The following PLA2G4C variants were observed in gnomAD, a reference collection of about 807,000 sequenced individuals.
PLA2G4C encodes the protein phospholipase A2 group IVC.
A neutral mutation model predicts 73.8 loss-of-function variants in PLA2G4C; 64 were observed. The observed-to-expected ratio is 0.87, with a 90% confidence interval of 0.71 to 1.07. PLA2G4C has a LOEUF of 1.07. PLA2G4C is among the 50% of genes least tolerant of loss of function. PLA2G4C has a pLI of 0.00. For synonymous variants in PLA2G4C, 254 were observed against 252.1 expected (o/e 1.01, Z -0.07); for missense variants, 622 against 665.4 (o/e 0.93, Z 0.72).
intron 13 of PLA2G4C, chr19:48,062,363 C>CGTG: frequency 2.4e-6 from 1 of 410,996 alleles, no homozygotes; most frequent in Middle Eastern, 6.6e-4. Context: ...GAAATCCCAG[C>CGTG]ACTTTGGGGG....
chr19:48,083,597 A>G (rs7253454), intron 10 of PLA2G4C, among the ~76,000 whole-genome samples: 45,796 of 150,206 alleles, frequency 0.3, 7,074 homozygotes, highest in East Asian at 0.53. Flanking sequence ...ACAGGCATGT[A>G]CCACCACGCC....
intron 6 of PLA2G4C, among the ~76,000 whole-genome samples, chr19:48,095,823 A>G (rs1047379729): frequency 4.0e-5 from 6 of 151,814 alleles, no homozygotes; most frequent in African/African-American, 1.5e-4. Flanking sequence ...TGTTTCCAAT[A>G]TTTTCCAGAG....
At chr19:48,110,073 C>T (rs2032414794) in intron 1 of PLA2G4C, among the ~76,000 whole-genome samples, 1 of 150,290 alleles carries the variant, frequency 6.7e-6, no homozygotes, top group Admixed American at 6.6e-5. Context: ...CCTAGCCGGG[C>T]GCGGTGGCTC....
intron 7 of PLA2G4C, 97 bp downstream of exon 7, chr19:48,095,367 A>C (rs1312692843): frequency 1.7e-6 from 2 of 1,164,728 alleles, no homozygotes; most frequent in Non-Finnish European, 2.5e-6. Context: ...TCCCCCAAGA[A>C]ATTTAAGAGC....
At chr19:48,074,691 G>C in intron 12 of PLA2G4C, 76 bp downstream of exon 12, 1 of 956,520 alleles carries the variant, frequency 1.0e-6, no homozygotes, top group South Asian at 1.3e-5. Context: ...GGCCCACAGG[G>C]GTGGGGAAGA....
At chr19:48,078,173 A>G (rs1243565951) in intron 10 of PLA2G4C, among the ~76,000 whole-genome samples, 3 of 152,202 alleles carry the variant, frequency 2.0e-5, no homozygotes, top group Non-Finnish European at 2.9e-5. Flanking sequence ...ACATCCCTTT[A>G]TGATTAAAGC....
chr19:48,100,919 G>GA (rs57288809), intron 4 of PLA2G4C, among the ~76,000 whole-genome samples: 38,161 of 120,114 alleles, frequency 0.32, 7,910 homozygotes, highest in African/African-American at 0.63. Context: ...ATCTCAAAAA[G>GA]AAAAAAAAAA....
chr19:48,086,987 C>T (rs11564572), intron 9 of PLA2G4C, among the ~76,000 whole-genome samples: 4,665 of 152,228 alleles, frequency 0.031, 159 homozygotes, highest in African/African-American at 0.084. Context: ...GGGACATTAC[C>T]GGATTCCTTG....
intron 14 of PLA2G4C, 81 bp downstream of exon 14, chr19:48,061,917 C>T (rs1044852853): frequency 9.8e-6 from 14 of 1,424,872 alleles, no homozygotes; most frequent in East Asian, 9.5e-5. Context: ...TCCCAGCCCG[C>T]GTCCTCAGTT....
Position 48,055,346 on chromosome 19 carries a change from C to T in PLA2G4C, c.1258-297G>A, listed in dbSNP as rs11564643. 3.0e-3 allele frequency among the ~76,000 whole-genome samples: 455 copies of T among 149,190 alleles called. 9 individuals carry two copies. Among genetic ancestry groups the T allele is most frequent in the African/African-American group, 0.011 (438 of 39,514 alleles). On this transcript the variant is annotated intron_variant, in intron 14 of 16. Transcript: ENST00000599921. ...ATGGTGCCTAGATGAGGCTTTGAAT[C>T]CCAGCTCTGCCACAGAAAGATGTTG...
intron 10 of PLA2G4C, 72 bp downstream of exon 10, chr19:48,084,987 A>T: frequency 1.8e-6 from 2 of 1,089,114 alleles, no homozygotes; most frequent in South Asian, 2.5e-5. Context: ...TGCCACATGC[A>T]GGAAAAGTAC....
At chr19:48,083,256 C>T (rs1310165304) in intron 10 of PLA2G4C, among the ~76,000 whole-genome samples, 1 of 152,074 alleles carries the variant, frequency 6.6e-6, no homozygotes, top group Non-Finnish European at 1.5e-5. Context: ...TACATAGTCC[C>T]AATCTTGTAT....
chr19:48,049,048 C>G (rs907866253), intron 16 of PLA2G4C, among the ~76,000 whole-genome samples: 3 of 152,122 alleles, frequency 2.0e-5, no homozygotes, highest in African/African-American at 7.2e-5. Context: ...CGCCAGCCCC[C>G]CTTCCCCTTC....
At chr19:48,109,148 G>A (rs917542730) in intron 1 of PLA2G4C, among the ~76,000 whole-genome samples, 3 of 152,122 alleles carry the variant, frequency 2.0e-5, no homozygotes, top group African/African-American at 2.4e-5. Context: ...ACATTTCTGC[G>A]AAGGCAGTTT....
rs1456493982 is a variant in PLA2G4C, at chr19:48,074,801, C to CT, written c.971dup (p.Gln325AlafsTer6). 1 of 1,613,618 alleles carries CT rather than the reference C, an allele frequency of 6.2e-7. No individual in the cohort carries two copies. Among genetic ancestry groups the CT allele is most frequent in the Non-Finnish European group, 8.5e-7 (1 of 1,179,750 alleles). On this transcript the variant is annotated frameshift_variant, in exon 12 of 17. Transcript: ENST00000599921. LOFTEE classifies it high-confidence loss of function. ...CGGGGTCCTCATGGGGCTGCTCCTG[C>CT]TTTTCCAGGGAGGTCCTGGTCCAAT...
chr19:48,107,203 C>T (rs769237035), intron 1 of PLA2G4C, among the ~76,000 whole-genome samples: 5 of 149,350 alleles, frequency 3.3e-5, no homozygotes, highest in Admixed American at 6.7e-5. Flanking sequence ...AACAATTGAT[C>T]GGCTATGGAT....
At chr19:48,076,744 A>AAAAAAAAAAAAG (rs990230611) in intron 11 of PLA2G4C, among the ~76,000 whole-genome samples, 2 of 135,342 alleles carry the variant, frequency 1.5e-5, no homozygotes, top group African/African-American at 6.3e-5. Flanking sequence ...CTCTGTCTCC[A>AAAAAAAAAAAAG]AAAAAAAAAA....
At chr19:48,074,559 A>G in intron 12 of PLA2G4C, 1 of 567,342 alleles carries the variant, frequency 1.8e-6, no homozygotes, top group South Asian at 2.0e-5. Flanking sequence ...GGAATTCCAC[A>G]CTGTCTCCTA....
chr19:48,101,531 C>T (rs1480055948), intron 4 of PLA2G4C, among the ~76,000 whole-genome samples: 2 of 151,814 alleles, frequency 1.3e-5, no homozygotes, highest in Non-Finnish European at 2.9e-5. Context: ...CTCTTGAGCC[C>T]CTGAAGTGTG....
Sources: gnomAD v4.1 joint callset for allele counts (sites outside exome capture counted in the v4.1 genomes callset) on GRCh38, gnomAD v4.1.1 for gene constraint, MANE v1.5 for transcripts, NCBI Gene and HGNC (gene_info 2026-07-23, HGNC 2026-07-21) for gene names.